NBEA: variants seen among roughly 807,000 people sequenced by gnomAD.
NBEA encodes the protein lysosomal-trafficking regulator 2.
Under a neutral mutation model 343.4 loss-of-function variants are expected in NBEA, and 44 were observed. That is an observed-to-expected ratio of 0.13 (90% CI 0.10 to 0.16). The LOEUF (loss-of-function observed/expected upper bound fraction) is 0.16. NBEA is among the 10% of genes least tolerant of loss of function. NBEA has a pLI of 1.00. For missense variants in NBEA, 2,555 were observed against 3,631.3 expected (o/e 0.70, Z 7.62); for synonymous variants, 1,175 against 1,238.7 (o/e 0.95, Z 1.08).
At chr13:35,423,436 A>G (rs1435664388) in intron 38 of NBEA, among the ~76,000 whole-genome samples, 2 of 151,928 alleles carry the variant, frequency 1.3e-5, no homozygotes, top group African/African-American at 4.8e-5. Flanking sequence ...TTTTTGTCAG[A>G]TTTGTCAAAG....
At chr13:35,222,619 A>C (rs949363844) in intron 33 of NBEA, among the ~76,000 whole-genome samples, 2 of 151,976 alleles carry the variant, frequency 1.3e-5, no homozygotes, top group African/African-American at 4.8e-5. Context: ...TATTTCAAAC[A>C]TTTTTAAAAT....
chr13:35,257,189 G>C (rs144304095), intron 34 of NBEA, among the ~76,000 whole-genome samples: 1 of 152,360 alleles, frequency 6.6e-6, no homozygotes, highest in East Asian at 1.9e-4. Context: ...ATGGCAGCTT[G>C]ATAGAATTAT....
At chr13:35,082,135 C>T (rs1387492267) in intron 10 of NBEA, among the ~76,000 whole-genome samples, 1 of 152,030 alleles carries the variant, frequency 6.6e-6, no homozygotes, top group Non-Finnish European at 1.5e-5. Flanking sequence ...TCTCATTGTT[C>T]ATTTCCCACC....
chr13:35,558,557 A>G (rs2079696260), intron 44 of NBEA, among the ~76,000 whole-genome samples: 1 of 150,236 alleles, frequency 6.7e-6, no homozygotes, highest in African/African-American at 2.5e-5. Flanking sequence ...TCATTATACA[A>G]AAAAGTTTCA....
In NBEA at chr13:35,616,054, C is replaced by T. The variant is rs145361108; in HGVS notation, c.7449+9476C>T. On this transcript the variant is annotated intron_variant, in intron 48 of 58. Coordinates refer to ENST00000379939, the MANE Select transcript of NBEA (RefSeq NM_001385012.1). ...GGAAGAAATGATATTCATTTACATTCTAAGCTTTGTAGTCATGGGATTTTA... is the reference window on the plus strand; with the variant it reads ...GGAAGAAATGATATTCATTTACATTTTAAGCTTTGTAGTCATGGGATTTTA... Among the ~76,000 whole-genome samples, 304 of 152,256 alleles carry T rather than the reference C, an allele frequency of 2.0e-3. 1 individual carries two copies. Among genetic ancestry groups the T allele is most frequent in the African/African-American group, 7.1e-3 (293 of 41,546 alleles).
Position 35,048,817 on chromosome 13 carries a change from T to G in NBEA, c.845+133T>G, listed in dbSNP as rs184377109. On this transcript the variant is annotated intron_variant, in intron 5 of 58. Coordinates refer to ENST00000379939, the MANE Select transcript of NBEA (RefSeq NM_001385012.1). Reference sequence around the variant, plus strand: ...ATATATGCTAGAACTGTGAAGACACTGTAAATCAGTTTTATTTATGTATGT... The same window carrying G: ...ATATATGCTAGAACTGTGAAGACACGGTAAATCAGTTTTATTTATGTATGT... 93 of 500,284 alleles carry G rather than the reference T, an allele frequency of 1.9e-4. No individual in the cohort carries two copies. The East Asian group carries it at 3.0e-3, about 16-fold the overall frequency. 31.0% of individuals were successfully genotyped at this position (500,284 alleles called of 1,614,324 possible).
chr13:35,611,684 A>G (rs2082530487), intron 48 of NBEA, among the ~76,000 whole-genome samples: 1 of 152,092 alleles, frequency 6.6e-6, no homozygotes, highest in African/African-American at 2.4e-5. Context: ...GTGGTCTTTG[A>G]GTTTGACTTC....
chr13:34,963,720 A>AT (rs1009210650), intron 1 of NBEA, among the ~76,000 whole-genome samples: 43 of 148,814 alleles, frequency 2.9e-4, no homozygotes, highest in African/African-American at 1.1e-3. Context: ...CCCCCGATAT[A>AT]TTTTTATTCT....
chr13:35,296,547 A>G (rs2036144228), intron 35 of NBEA, among the ~76,000 whole-genome samples: 1 of 152,016 alleles, frequency 6.6e-6, no homozygotes, highest in South Asian at 2.1e-4. Context: ...AGGAATGTAG[A>G]ATATTCTGAA....
chr13:35,020,443 G>A (rs937577093), intron 1 of NBEA, among the ~76,000 whole-genome samples: 3 of 152,038 alleles, frequency 2.0e-5, no homozygotes, highest in Admixed American at 6.6e-5. Flanking sequence ...CTTTTAGAAG[G>A]CTATATTTTC....
chr13:34,952,788 G>A (rs1259627867), intron 1 of NBEA, among the ~76,000 whole-genome samples: 2 of 129,322 alleles, frequency 1.5e-5, no homozygotes, highest in Middle Eastern at 3.8e-3. Flanking sequence ...GAAAAATAAC[G>A]CAGCAGATTA....
At chr13:35,567,051 C>T (rs1353868701) in intron 45 of NBEA, 34 bp downstream of exon 45, 3 of 1,157,938 alleles carry the variant, frequency 2.6e-6, no homozygotes, top group African/African-American at 1.5e-5. Flanking sequence ...CAGCTTTCTT[C>T]ATAAGGCTAT....
intron 34 of NBEA, among the ~76,000 whole-genome samples, chr13:35,270,283 G>A (rs752690802): frequency 2.6e-4 from 40 of 152,148 alleles, no homozygotes; most frequent in Non-Finnish European, 4.4e-4. Flanking sequence ...ATTTCAATAT[G>A]GAAATTTCCT....
At chr13:34,971,866 T>A (rs1034174154) in intron 1 of NBEA, among the ~76,000 whole-genome samples, 3 of 151,980 alleles carry the variant, frequency 2.0e-5, no homozygotes, top group Non-Finnish European at 2.9e-5. Flanking sequence ...TAGAATGACT[T>A]AGGGAGGAGT....
intron 40 of NBEA, among the ~76,000 whole-genome samples, chr13:35,454,454 T>A (rs1227578103): frequency 6.6e-6 from 1 of 152,164 alleles, no homozygotes; most frequent in Non-Finnish European, 1.5e-5. Context: ...GTTGCAGAAA[T>A]TAAAATTTGT....
At chr13:35,363,886 A>G (rs1486818608) in intron 38 of NBEA, among the ~76,000 whole-genome samples, 1 of 151,870 alleles carries the variant, frequency 6.6e-6, no homozygotes, top group Non-Finnish European at 1.5e-5. Flanking sequence ...TGACTTACTG[A>G]TTGAATAAAT....
intron 18 of NBEA, 118 bp downstream of exon 18, chr13:35,142,495 T>C (rs2068143993): frequency 5.6e-6 from 3 of 540,034 alleles, no homozygotes; most frequent in African/African-American, 3.8e-5. Context: ...AACCAGAAAA[T>C]GGTTTAATGG....
chr13:35,318,399 A>T (rs1342882896), intron 36 of NBEA, among the ~76,000 whole-genome samples: 4 of 152,206 alleles, frequency 2.6e-5, no homozygotes, highest in African/African-American at 9.6e-5. Flanking sequence ...GTAATGGATT[A>T]CATTTATTGA....
intron 39 of NBEA, among the ~76,000 whole-genome samples, chr13:35,440,842 T>A (rs556739834): frequency 6.6e-6 from 1 of 152,152 alleles, no homozygotes; most frequent in African/African-American, 2.4e-5. Flanking sequence ...CATTTGGAAT[T>A]TCCTTAACTA....
Sources: allele counts gnomAD v4.1 joint callset (sites outside exome capture counted in the v4.1 genomes callset), GRCh38; gene constraint gnomAD v4.1.1; transcripts MANE v1.5; gene names NCBI Gene and HGNC (gene_info 2026-07-23, HGNC 2026-07-21).